Variants in NRXN3 observed in about 807,000 individuals in gnomAD.
The protein encoded by NRXN3 is neurexin III.
NRXN3 carries 32 observed loss-of-function variants against 137.6 expected under a neutral mutation model. The observed-to-expected ratio is 0.23, with a 90% CI of 0.18 to 0.31. NRXN3 has a LOEUF of 0.31. Among genes scored for constraint, NRXN3 ranks in the 10% least tolerant of loss-of-function variants. The pLI, the probability that NRXN3 is intolerant of heterozygous loss-of-function variation, is 1.00. For synonymous variants in NRXN3, 798 were observed against 784.5 expected (o/e 1.02, Z -0.29); for missense variants, 1,574 against 2,062.5 (o/e 0.76, Z 4.59).
At chr14:78,996,831 T>A (rs887604253) in intron 15 of NRXN3, among the ~76,000 whole-genome samples, 5 of 152,040 alleles carry the variant, frequency 3.3e-5, no homozygotes, top group African/African-American at 9.7e-5. Flanking sequence ...TTTCTCTGCA[T>A]CTGTTTTTAT....
chr14:79,234,345 T>TTATATATATATATTATA (rs1463036536), intron 15 of NRXN3, among the ~76,000 whole-genome samples: 1 of 106,316 alleles, frequency 9.4e-6, no homozygotes, highest in African/African-American at 3.6e-5. Flanking sequence ...TATATAATAT[T>TTATATATATATATTATA]TATATATATA....
intron 16 of NRXN3, among the ~76,000 whole-genome samples, chr14:79,492,033 A>G (rs981010840): frequency 2.5e-4 from 38 of 152,156 alleles, no homozygotes; most frequent in African/African-American, 8.9e-4. Context: ...ATGAATGTCT[A>G]TAAGTTGTTA....
chr14:78,199,820 C>T (rs563079176), intron 1 of NRXN3, among the ~76,000 whole-genome samples: 24 of 152,284 alleles, frequency 1.6e-4, no homozygotes, highest in African/African-American at 5.3e-4. Flanking sequence ...GCTGCCTTGG[C>T]CTTTTCTGAG....
chr14:79,502,960 C>A (rs1215748483), intron 16 of NRXN3, among the ~76,000 whole-genome samples: 1 of 152,096 alleles, frequency 6.6e-6, no homozygotes, highest in Non-Finnish European at 1.5e-5. Flanking sequence ...TTTCTCTTTT[C>A]CCATCCACAA....
intron 15 of NRXN3, among the ~76,000 whole-genome samples, chr14:79,217,040 G>C (rs928127102): frequency 8.5e-5 from 13 of 152,140 alleles, no homozygotes; most frequent in Non-Finnish European, 1.8e-4. Context: ...GGGAGGCTGA[G>C]GCTGGAGGAT....
chr14:78,775,253 C>T (rs1191980223), intron 8 of NRXN3, among the ~76,000 whole-genome samples: 2 of 152,038 alleles, frequency 1.3e-5, no homozygotes, highest in East Asian at 3.9e-4. Context: ...GTGGTGTGTA[C>T]ATATATACAA....
In NRXN3 at chr14:79,258,978, A is replaced by T. The variant is rs1298373635; in HGVS notation, c.3263-208243A>T. On this transcript the variant is annotated intron_variant, in intron 15 of 20. Transcript: ENST00000335750. The stretch of plus-strand genomic sequence containing the variant: ...GTTGTGTCAAACACAGTGGGATCAG[A>T]TGTCCTTCAAACAGACTTTGAGAGA... Among the ~76,000 whole-genome samples the T allele has an allele frequency of 2.0e-5, 3 of 152,208 alleles. No homozygotes were observed. The East Asian group carries it at 5.8e-4, about 29-fold the overall frequency.
At chr14:79,437,931 A>G (rs987921182) in intron 15 of NRXN3, among the ~76,000 whole-genome samples, 2 of 152,174 alleles carry the variant, frequency 1.3e-5, no homozygotes, top group East Asian at 1.9e-4. Flanking sequence ...AAATTTATCC[A>G]TCTGTATCAG....
chr14:78,363,687 G>A (rs2085477302), intron 4 of NRXN3, among the ~76,000 whole-genome samples: 1 of 152,106 alleles, frequency 6.6e-6, no homozygotes, highest in Non-Finnish European at 1.5e-5. Flanking sequence ...TGTGTGTTCT[G>A]TCCTCTGAGT....
chr14:79,330,701 A>C (rs1407263372), intron 15 of NRXN3, among the ~76,000 whole-genome samples: 1 of 152,330 alleles, frequency 6.6e-6, no homozygotes, highest in East Asian at 1.9e-4. Flanking sequence ...TGGAGAAAGC[A>C]TAGAGAAGAG....
intron 15 of NRXN3, among the ~76,000 whole-genome samples, chr14:79,359,984 TTGGAAGG>T (rs1566907151): frequency 1.3e-5 from 2 of 152,168 alleles, no homozygotes; most frequent in Non-Finnish European, 1.5e-5. Flanking sequence ...ACGAAAATAC[TTGGAAGG>T]TGGAAACAGG....
intron 15 of NRXN3, among the ~76,000 whole-genome samples, chr14:79,114,400 A>T (rs1346905752): frequency 1.3e-5 from 2 of 152,160 alleles, no homozygotes; most frequent in Non-Finnish European, 2.9e-5. Flanking sequence ...TCACTCTGTC[A>T]CCTAGGCTAG....
At chr14:79,789,272 G>T (rs2099138251) in intron 19 of NRXN3, among the ~76,000 whole-genome samples, 1 of 152,096 alleles carries the variant, frequency 6.6e-6, no homozygotes, top group African/African-American at 2.4e-5. Context: ...AAGCAACCAG[G>T]GAAGTAGGAA....
intron 16 of NRXN3, among the ~76,000 whole-genome samples, chr14:79,652,346 G>A (rs1338363002): frequency 2.0e-5 from 3 of 152,154 alleles, no homozygotes; most frequent in Non-Finnish European, 4.4e-5. Flanking sequence ...CCCTTTAAAT[G>A]TCAAAAAATA....
intron 1 of NRXN3, among the ~76,000 whole-genome samples, chr14:78,199,497 G>A (rs968306439): frequency 3.3e-5 from 5 of 152,168 alleles, no homozygotes; most frequent in Admixed American, 3.3e-4. Context: ...GAACAGATCT[G>A]TAAGGTAGGT....
At chr14:78,570,744 G>A (rs961278297) in intron 4 of NRXN3, among the ~76,000 whole-genome samples, 2 of 152,210 alleles carry the variant, frequency 1.3e-5, no homozygotes, top group African/African-American at 4.8e-5. Context: ...GGCAGACAAA[G>A]CGTAATTTAC....
At chr14:78,300,928 G>T (rs928397005) in intron 4 of NRXN3, among the ~76,000 whole-genome samples, 2 of 152,178 alleles carry the variant, frequency 1.3e-5, no homozygotes, top group Admixed American at 6.5e-5. Flanking sequence ...AACTGAGGGC[G>T]GGCCTTCTGC....
intron 15 of NRXN3, among the ~76,000 whole-genome samples, chr14:79,176,150 A>T (rs942419483): frequency 1.3e-5 from 2 of 152,210 alleles, no homozygotes; most frequent in Non-Finnish European, 2.9e-5. Flanking sequence ...CGAACCAACC[A>T]CGTTAACAGG....
intron 4 of NRXN3, among the ~76,000 whole-genome samples, chr14:78,537,539 T>A (rs1279291958): frequency 1.3e-5 from 2 of 152,192 alleles, no homozygotes; most frequent in Non-Finnish European, 2.9e-5. Flanking sequence ...GTTGCAAAAA[T>A]TTTCTCCCAT....
Sources: allele counts gnomAD v4.1 joint callset (sites outside exome capture counted in the v4.1 genomes callset), GRCh38; gene constraint gnomAD v4.1.1; transcripts MANE v1.5; gene names NCBI Gene and HGNC (gene_info 2026-07-23, HGNC 2026-07-21).